PDZRN4: variants seen among roughly 807,000 people sequenced by gnomAD.
PDZRN4 encodes the protein PDZ domain-containing RING finger protein 4.
PDZRN4 carries 70 observed loss-of-function variants against 99.0 expected under a neutral mutation model. The observed-to-expected ratio is 0.71, with a 90% CI of 0.58 to 0.86. The LOEUF is 0.86. Among genes scored for constraint, PDZRN4 ranks in the 40% least tolerant of loss-of-function variants. The pLI is 0.00. For synonymous variants in PDZRN4, 551 were observed against 501.6 expected (o/e 1.10, Z -1.32); for missense variants, 1,474 against 1,331.2 (o/e 1.11, Z -1.67).
At chr12:41,488,278 G>A (rs1458791507) in intron 3 of PDZRN4, among the ~76,000 whole-genome samples, 3 of 152,164 alleles carry the variant, frequency 2.0e-5, no homozygotes, top group African/African-American at 4.8e-5. Flanking sequence ...ACAGTTTTCA[G>A]TGCATATTAA....
intron 5 of PDZRN4, among the ~76,000 whole-genome samples, chr12:41,517,160 C>T (rs777333209): frequency 1.3e-5 from 2 of 152,036 alleles, no homozygotes; most frequent in Non-Finnish European, 2.9e-5. Flanking sequence ...ATTGTGACAA[C>T]ACTAAACCTT....
intron 3 of PDZRN4, among the ~76,000 whole-genome samples, chr12:41,414,546 T>A (rs888926234): frequency 6.6e-6 from 1 of 151,854 alleles, no homozygotes; most frequent in Non-Finnish European, 1.5e-5. Flanking sequence ...TATTTTTGTC[T>A]GAAAAAAATA....
intron 6 of PDZRN4, among the ~76,000 whole-genome samples, chr12:41,555,228 CT>C: frequency 2.6e-4 from 2 of 7,772 alleles, no homozygotes; most frequent in South Asian, 3.1e-3. Flanking sequence ...CAGACTCTGT[CT>C]CAAAAAAAAA....
intron 3 of PDZRN4, among the ~76,000 whole-genome samples, chr12:41,342,132 AATT>A (rs1951823078): frequency 6.6e-6 from 1 of 151,954 alleles, no homozygotes; most frequent in African/African-American, 2.4e-5. Flanking sequence ...GTGCTGGGGT[AATT>A]AGATATTCAC....
chr12:41,478,184 C>T (rs1349898966), intron 3 of PDZRN4, among the ~76,000 whole-genome samples: 11 of 152,088 alleles, frequency 7.2e-5, no homozygotes, highest in Admixed American at 5.2e-4. Flanking sequence ...GGTGCAATCT[C>T]GGCTCACTGC....
At chr12:41,483,734 T>A (rs1937721069) in intron 3 of PDZRN4, among the ~76,000 whole-genome samples, 1 of 152,170 alleles carries the variant, frequency 6.6e-6, no homozygotes, top group Non-Finnish European at 1.5e-5. Flanking sequence ...ATCTTACTGC[T>A]AGTCTTTTTT....
chr12:41,442,946 A>T (rs1240403385), intron 3 of PDZRN4, among the ~76,000 whole-genome samples: 1 of 152,126 alleles, frequency 6.6e-6, no homozygotes, highest in Non-Finnish European at 1.5e-5. Context: ...CCTCTATTTT[A>T]TTTGCTAGAA....
intron 5 of PDZRN4, among the ~76,000 whole-genome samples, chr12:41,527,991 T>C (rs949366119): frequency 6.6e-6 from 1 of 152,212 alleles, no homozygotes; most frequent in Non-Finnish European, 1.5e-5. Context: ...TTAGGCTATT[T>C]TCACAACTGA....
At chr12:41,387,299 A>G (rs1033633332) in intron 3 of PDZRN4, among the ~76,000 whole-genome samples, 1 of 152,138 alleles carries the variant, frequency 6.6e-6, no homozygotes, top group African/African-American at 2.4e-5. Flanking sequence ...AAAAAAGTGC[A>G]TAGGCCGGGT....
At chr12:41,424,016 T>C (rs1280614804) in intron 3 of PDZRN4, among the ~76,000 whole-genome samples, 1 of 152,178 alleles carries the variant, frequency 6.6e-6, no homozygotes. Context: ...GCTCCATTAC[T>C]CTTGCCATGT....
In PDZRN4 at chr12:41,194,176, C is replaced by T. The variant is rs956039564; in HGVS notation, c.831C>T (p.Asp277=). ...GAGCAGATGGCCTGGAGATTCATGA[C>T]AAAATCATGGAGGTAAGACAATGAT... ...ADRADGLEIH[D]KIMEVNGKDL... The change falls in exon 3 of 10, where the codon GAC becomes GAT. Residue 277 remains aspartate, a synonymous_variant. Transcript: ENST00000402685. The T allele has an allele frequency of 1.4e-6, 2 of 1,461,910 alleles. No homozygotes were observed. The highest frequency in any genetic ancestry group is 1.4e-5 in the African/African-American group (1 of 71,972). 90.6% of individuals were successfully genotyped at this position (1,461,910 alleles called of 1,614,324 possible). A position where few individuals can be genotyped will look rare whatever the true frequency, so the allele number is the denominator to read the frequency against.
intron 3 of PDZRN4, among the ~76,000 whole-genome samples, chr12:41,486,526 A>G (rs751505542): frequency 6.6e-6 from 1 of 152,158 alleles, no homozygotes; most frequent in Non-Finnish European, 1.5e-5. Context: ...AACCCAGTGA[A>G]TGAGGGTTTA....
intron 3 of PDZRN4, among the ~76,000 whole-genome samples, chr12:41,418,829 G>A (rs374843486): frequency 4.6e-5 from 7 of 152,272 alleles, no homozygotes; most frequent in East Asian, 3.9e-4. Context: ...GGTGACCAGC[G>A]TAGGGTGTAG....
At chr12:41,284,635 T>G (rs2120893396) in intron 3 of PDZRN4, among the ~76,000 whole-genome samples, 1 of 152,058 alleles carries the variant, frequency 6.6e-6, no homozygotes, top group Middle Eastern at 3.4e-3. Context: ...AACCAAAACA[T>G]CATCGTATTA....
chr12:41,573,957 C>T lies in PDZRN4; in HGVS notation c.*67C>T. ...TACCAGTTTCGGTAGAGTATGATTG[C>T]CTCGTTCAATGTGGCGTTTTTATAT... On this transcript the variant is annotated 3_prime_UTR_variant, in exon 10 of 10. Coordinates refer to ENST00000402685, the MANE Select transcript of PDZRN4 (RefSeq NM_001164595.2). The T allele has an allele frequency of 1.7e-6, 2 of 1,154,314 alleles. No individual in the cohort carries two copies. The highest frequency in any genetic ancestry group is 2.4e-5 in the East Asian group (1 of 41,686). The allele number at this position is 1,154,314 out of a possible 1,614,324, so 71.5% of individuals were successfully genotyped here. A position where few individuals can be genotyped will look rare whatever the true frequency, so the allele number is the denominator to read the frequency against.
At chr12:41,481,510 A>T (rs536942850) in intron 3 of PDZRN4, among the ~76,000 whole-genome samples, 1 of 152,024 alleles carries the variant, frequency 6.6e-6, no homozygotes, top group Non-Finnish European at 1.5e-5. Context: ...GAATCTGGTA[A>T]ATTAGTCTTA....
intron 3 of PDZRN4, among the ~76,000 whole-genome samples, chr12:41,357,647 G>A (rs1213031484): frequency 6.6e-6 from 1 of 151,904 alleles, no homozygotes; most frequent in African/African-American, 2.4e-5. Context: ...AGCATGTACT[G>A]TACCTAGTAT....
At chr12:41,513,888 A>C (rs2120694141) in intron 5 of PDZRN4, among the ~76,000 whole-genome samples, 1 of 152,114 alleles carries the variant, frequency 6.6e-6, no homozygotes, top group East Asian at 1.9e-4. Flanking sequence ...AGGGGTCAGA[A>C]ACCAATACAC....
chr12:41,418,066 C>T (rs944857150), intron 3 of PDZRN4, among the ~76,000 whole-genome samples: 4 of 152,088 alleles, frequency 2.6e-5, no homozygotes, highest in African/African-American at 9.7e-5. Context: ...ACATTAAATG[C>T]AAAGTAGAAT....
Sources: gnomAD v4.1 joint callset for allele counts (sites outside exome capture counted in the v4.1 genomes callset) on GRCh38, gnomAD v4.1.1 for gene constraint, MANE v1.5 for transcripts, NCBI Gene and HGNC (gene_info 2026-07-23, HGNC 2026-07-21) for gene names.